Variants in PRKX observed in about 807,000 individuals in gnomAD.
PRKX encodes protein kinase cAMP-dependent X-linked catalytic subunit.
PRKX carries 12 observed loss-of-function variants against 22.0 expected under a neutral mutation model. That is an observed-to-expected ratio of 0.54 (90% CI 0.35 to 0.88). The LOEUF is 0.88. PRKX is among the 40% of genes least tolerant of loss of function. The pLI is 0.01. For missense variants in PRKX, 217 were observed against 308.0 expected (o/e 0.70, Z 2.21); for synonymous variants, 134 against 137.7 (o/e 0.97, Z 0.19).
At chrX:3,614,451 G>A (rs1926376005) in intron 7 of PRKX, among the ~76,000 whole-genome samples, 2 of 112,152 alleles carry the variant, frequency 1.8e-5, no homozygotes, top group African/African-American at 6.5e-5. Flanking sequence ...TCGTGCCACT[G>A]CACTCCAGCC....
chrX:3,656,669 T>C (rs1233013555), intron 2 of PRKX, among the ~76,000 whole-genome samples: 1 of 111,409 alleles, frequency 9.0e-6, no homozygotes, highest in Non-Finnish European at 1.9e-5. Flanking sequence ...TATAGGTAGA[T>C]GCTAAGACGT....
chrX:3,650,615 A>C (rs1229963092), intron 3 of PRKX, among the ~76,000 whole-genome samples: 1 of 109,467 alleles, frequency 9.1e-6, no homozygotes, highest in African/African-American at 3.3e-5. Flanking sequence ...ACGGTGGCTC[A>C]CGCCTGTAAT....
intron 8 of PRKX, among the ~76,000 whole-genome samples, chrX:3,609,489 C>T (rs769948755): frequency 1.3e-4 from 14 of 110,878 alleles, no homozygotes; most frequent in African/African-American, 4.6e-4. Flanking sequence ...TGAGGTCTAA[C>T]TCTGCCATCC....
At chrX:3,662,238 A>C (rs1927610209) in intron 2 of PRKX, among the ~76,000 whole-genome samples, 1 of 110,824 alleles carries the variant, frequency 9.0e-6, no homozygotes, top group African/African-American at 3.3e-5. Flanking sequence ...CCCACAGCTG[A>C]AGGCCAAAGG....
At chrX:3,624,275 T>G (rs1926616528) in intron 5 of PRKX, among the ~76,000 whole-genome samples, 1 of 111,648 alleles carries the variant, frequency 9.0e-6, no homozygotes, top group Non-Finnish European at 1.9e-5. Context: ...TAACAAATAA[T>G]GGGAAGAAGT....
intron 1 of PRKX, among the ~76,000 whole-genome samples, chrX:3,679,771 G>A (rs1928034777): frequency 8.9e-6 from 1 of 111,988 alleles, no homozygotes; most frequent in African/African-American, 3.2e-5. Flanking sequence ...GACTTAGAAG[G>A]ACCATGGCAA....
intron 4 of PRKX, among the ~76,000 whole-genome samples, chrX:3,639,026 T>C (rs58737468): frequency 0.16 from 12,266 of 77,867 alleles, 1,142 homozygotes; most frequent in East Asian, 0.34. Flanking sequence ...ACTTAGATGA[T>C]AGATAAGGAT....
intron 2 of PRKX, among the ~76,000 whole-genome samples, chrX:3,658,627 T>C (rs997198586): frequency 6.3e-5 from 7 of 110,749 alleles, no homozygotes; most frequent in Non-Finnish European, 1.3e-4. Context: ...GACACCAGCA[T>C]GCCCGTGTTC....
chrX:3,649,302 C>G (rs1279012364), intron 3 of PRKX, among the ~76,000 whole-genome samples: 1 of 109,455 alleles, frequency 9.1e-6, no homozygotes, highest in African/African-American at 3.3e-5. Flanking sequence ...ATTATAAAAT[C>G]AAATTAAACA....
chrX:3,621,146 T>A (rs1360453099), intron 6 of PRKX, 113 bp downstream of exon 6: 2 of 571,890 alleles, frequency 3.5e-6, no homozygotes, highest in Non-Finnish European at 5.4e-6. Context: ...ATTTGGGCAG[T>A]GATTAAATAC....
intron 3 of PRKX, among the ~76,000 whole-genome samples, chrX:3,645,040 C>T (rs779909763): frequency 1.7e-4 from 19 of 111,847 alleles, no homozygotes; most frequent in South Asian, 3.7e-4. Context: ...AAAGCCCCAA[C>T]GCCTAGCTGA....
chrX:3,708,165 G>A (rs949401777), intron 1 of PRKX, among the ~76,000 whole-genome samples: 1 of 111,096 alleles, frequency 9.0e-6, no homozygotes, highest in Admixed American at 9.7e-5. Flanking sequence ...CCTTATAAAG[G>A]GGCCCCAGAG....
At chrX:3,685,839 C>A (rs1172198603) in intron 1 of PRKX, among the ~76,000 whole-genome samples, 1 of 111,606 alleles carries the variant, frequency 9.0e-6, no homozygotes, top group Non-Finnish European at 1.9e-5. Flanking sequence ...GGAGCCCAGG[C>A]GTCCAAGACC....
intron 1 of PRKX, among the ~76,000 whole-genome samples, chrX:3,706,919 G>A (rs1043942880): frequency 1.1e-4 from 12 of 111,850 alleles, no homozygotes; most frequent in Non-Finnish European, 2.3e-4. Context: ...GAGCCCAGGA[G>A]CTCGAGACCA....
chrX:3,689,730 C>T (rs1228356883), intron 1 of PRKX, among the ~76,000 whole-genome samples: 9 of 111,838 alleles, frequency 8.0e-5, no homozygotes, highest in Non-Finnish European at 1.7e-4. Context: ...GTAATCCCAA[C>T]ACTTTGGGAG....
At chrX:3,620,219 G>A (rs1156634946) in intron 6 of PRKX, among the ~76,000 whole-genome samples, 4 of 111,941 alleles carry the variant, frequency 3.6e-5, no homozygotes, top group Non-Finnish European at 7.5e-5. Flanking sequence ...TAAACAAAAC[G>A]AGGTCTGCCC....
Position 3,607,688 on chromosome X carries a change from T to A in PRKX, c.*1281A>T, listed in dbSNP as rs901307139. The A allele has an allele frequency of 6.4e-5, 7 of 110,011 alleles. No individual in the cohort carries two copies. Among genetic ancestry groups the A allele is most frequent in the Non-Finnish European group, 1.1e-4 (6 of 52,894 alleles). The allele number at this position is 110,011 out of a possible 1,213,427, so 9.1% of individuals were successfully genotyped here. ...TTTCACTGTTTTAACATCTTTTTTT[T>A]TATATAGAGATGGGGTCTCGCTATG... On this transcript the variant is annotated 3_prime_UTR_variant, in exon 9 of 9. Coordinates refer to ENST00000262848, the MANE Select transcript of PRKX (RefSeq NM_005044.5).
chrX:3,610,523 G>A (rs1164891596), intron 8 of PRKX, among the ~76,000 whole-genome samples: 3 of 110,681 alleles, frequency 2.7e-5, no homozygotes, highest in African/African-American at 9.9e-5. Flanking sequence ...CCAACCACTA[G>A]CCAAACTATA....
intron 4 of PRKX, among the ~76,000 whole-genome samples, chrX:3,639,938 A>AC (rs1344984710): frequency 1.8e-5 from 2 of 111,308 alleles, no homozygotes; most frequent in African/African-American, 6.5e-5. Flanking sequence ...ACCCCCAGGA[A>AC]CAAGCGCTCG....
Sources: gnomAD v4.1 joint callset for allele counts (sites outside exome capture counted in the v4.1 genomes callset) on GRCh38, gnomAD v4.1.1 for gene constraint, MANE v1.5 for transcripts, NCBI Gene and HGNC (gene_info 2026-07-23, HGNC 2026-07-21) for gene names.